ADAMTS16: variants seen among roughly 807,000 people sequenced by gnomAD.
The protein encoded by ADAMTS16 is A disintegrin and metalloproteinase with thrombospondin motifs 16.
Under a neutral mutation model 145.8 loss-of-function variants are expected in ADAMTS16, and 94 were observed. The observed-to-expected ratio is 0.64, with a 90% confidence interval of 0.55 to 0.77. The LOEUF (loss-of-function observed/expected upper bound fraction) is 0.77, where lower values mean the gene tolerates loss of function less well. ADAMTS16 is among the 30% of genes least tolerant of loss of function. The probability of loss-of-function intolerance (pLI) is 0.00; values close to 1 mark genes in which losing one functional copy is unlikely to be tolerated. For synonymous variants in ADAMTS16, 659 were observed against 604.3 expected (o/e 1.09, Z -1.33); for missense variants, 1,585 against 1,591.5 (o/e 1.00, Z 0.07).
At chr5:5,248,597 C>G (rs1737529128) in intron 17 of ADAMTS16, among the ~76,000 whole-genome samples, 1 of 152,172 alleles carries the variant, frequency 6.6e-6, no homozygotes, top group African/African-American at 2.4e-5. Context: ...GTAAGTACTG[C>G]TGAGAAGTTG....
chr5:5,290,108 T>C (rs935695661), intron 18 of ADAMTS16, among the ~76,000 whole-genome samples: 2 of 152,238 alleles, frequency 1.3e-5, no homozygotes, highest in African/African-American at 4.8e-5. Context: ...AGGAAACATA[T>C]TTCCTTTCTC....
intron 18 of ADAMTS16, among the ~76,000 whole-genome samples, chr5:5,271,753 G>T (rs913524220): frequency 9.2e-5 from 14 of 152,172 alleles, no homozygotes; most frequent in African/African-American, 3.1e-4. Context: ...GACTCTTCTA[G>T]GGATGCCAAG....
At chr5:5,249,793 G>C (rs572035683) in intron 17 of ADAMTS16, among the ~76,000 whole-genome samples, 22 of 152,316 alleles carry the variant, frequency 1.4e-4, no homozygotes, top group Non-Finnish European at 3.1e-4. Context: ...CCGAGTTCTT[G>C]TCCAGCGTCC....
rs185764162 is a variant in ADAMTS16, at chr5:5,181,921, T to G, written c.502-123T>G. On this transcript the variant is annotated intron_variant, in intron 3 of 22. Coordinates refer to ENST00000274181, the MANE Select transcript of ADAMTS16 (RefSeq NM_139056.4). Reference sequence around the variant, plus strand: ...GTTTTTGAACCTTTCCAATGTTCGCTCTCACTGGAGGGAACAGCATGCTTC... The same window carrying G: ...GTTTTTGAACCTTTCCAATGTTCGCGCTCACTGGAGGGAACAGCATGCTTC... 5 of 1,148,542 alleles carry G rather than the reference T, an allele frequency of 4.4e-6. No individual in the cohort carries two copies. In the African/African-American group the frequency reaches 7.7e-5, roughly 18 times the overall value. 71.1% of individuals were successfully genotyped at this position (1,148,542 alleles called of 1,614,324 possible).
At chr5:5,261,653 T>G (rs1048045168) in intron 17 of ADAMTS16, among the ~76,000 whole-genome samples, 1 of 152,090 alleles carries the variant, frequency 6.6e-6, no homozygotes, top group African/African-American at 2.4e-5. Flanking sequence ...GCCCAGCTAA[T>G]TTTTGTATTT....
At chr5:5,245,555 C>G (rs138266378) in intron 17 of ADAMTS16, among the ~76,000 whole-genome samples, 1 of 152,054 alleles carries the variant, frequency 6.6e-6, no homozygotes, top group South Asian at 2.1e-4. Flanking sequence ...GAATTTGAAA[C>G]GTTTAAATCA....
chr5:5,233,414 G>GT (rs1388997811), intron 12 of ADAMTS16, among the ~76,000 whole-genome samples: 1 of 152,200 alleles, frequency 6.6e-6, no homozygotes, highest in Non-Finnish European at 1.5e-5. Context: ...ACGGGTGTGT[G>GT]TTGTGCAGAT....
At chr5:5,213,361 T>C (rs1736328580) in intron 10 of ADAMTS16, among the ~76,000 whole-genome samples, 1 of 152,178 alleles carries the variant, frequency 6.6e-6, no homozygotes, top group Non-Finnish European at 1.5e-5. Flanking sequence ...CATGAATTCA[T>C]CCTCAGTTTT....
At chr5:5,252,805 C>CTATG (rs1737669117) in intron 17 of ADAMTS16, among the ~76,000 whole-genome samples, 2 of 152,152 alleles carry the variant, frequency 1.3e-5, no homozygotes, top group African/African-American at 4.8e-5. Flanking sequence ...CAGGAAAGGC[C>CTATG]ATGCCATATG....
chr5:5,183,446 G>A (rs72724114), intron 4 of ADAMTS16, among the ~76,000 whole-genome samples: 10,640 of 152,274 alleles, frequency 0.07, 409 homozygotes, highest in Admixed American at 0.079. Flanking sequence ...CAGGGCTCAC[G>A]GTGTGGTTGT....
At chr5:5,299,287 G>A (rs1434801407) in intron 18 of ADAMTS16, among the ~76,000 whole-genome samples, 3 of 152,200 alleles carry the variant, frequency 2.0e-5, no homozygotes, top group Non-Finnish European at 2.9e-5. Context: ...AGGGCTCAGG[G>A]AGACTTGCTG....
chr5:5,165,815 A>T (rs998053369), intron 3 of ADAMTS16, among the ~76,000 whole-genome samples: 1 of 152,168 alleles, frequency 6.6e-6, no homozygotes, highest in African/African-American at 2.4e-5. Flanking sequence ...GCAATGGCTT[A>T]TAGGTCCAGG....
chr5:5,159,506 C>T (rs1185462526), intron 3 of ADAMTS16, among the ~76,000 whole-genome samples: 1 of 152,160 alleles, frequency 6.6e-6, no homozygotes, highest in Non-Finnish European at 1.5e-5. Context: ...GTCCCCGCCG[C>T]CCCCACTCAT....
At position 5,319,034 on chromosome 5, in the gene ADAMTS16, A is replaced by G. The variant is rs371528226; in HGVS notation, c.3571A>G (p.Lys1191Glu). The G allele has an allele frequency of 8.1e-6, 13 of 1,612,240 alleles. No individual in the cohort carries two copies. The African/African-American group carries it at 1.6e-4, about 20-fold the overall frequency. ...CTGCTCATTTTCAGATGCCTTCTGC[A>G]AAGACTACTTCCACTGGTGCTACCT... ...PIAEKKDAFC[K>E]DYFHWCYLVP... Residue 1191 changes from lysine to glutamate, a missense_variant, in exon 23 of 23, where the codon AAA (lysine) becomes GAA (glutamate). Around this residue, in one of 3 missense-constraint regions of ADAMTS16, gnomAD observed 834 missense variants for 811.7 expected, o/e 1.03. Coordinates refer to ENST00000274181, the MANE Select transcript of ADAMTS16 (RefSeq NM_139056.4).
intron 10 of ADAMTS16, among the ~76,000 whole-genome samples, chr5:5,217,704 C>T (rs1447180617): frequency 1.3e-5 from 2 of 152,144 alleles, no homozygotes; most frequent in Non-Finnish European, 2.9e-5. Context: ...GTGAACATAA[C>T]TCTTAAATTA....
chr5:5,292,084 T>C (rs1429868390), intron 18 of ADAMTS16, among the ~76,000 whole-genome samples: 1 of 152,180 alleles, frequency 6.6e-6, no homozygotes, highest in Non-Finnish European at 1.5e-5. Context: ...GCTCTGGTCA[T>C]AGTCAAGCCA....
chr5:5,241,387 A>T (rs541966407), intron 16 of ADAMTS16, among the ~76,000 whole-genome samples: 5 of 152,306 alleles, frequency 3.3e-5, no homozygotes, highest in African/African-American at 1.2e-4. Context: ...TGACTCAGTG[A>T]TCTTCTTTAC....
At chr5:5,211,388 C>G (rs1014952599) in intron 10 of ADAMTS16, among the ~76,000 whole-genome samples, 3 of 152,108 alleles carry the variant, frequency 2.0e-5, no homozygotes, top group Admixed American at 1.3e-4. Flanking sequence ...ACTGTAAGAT[C>G]TATAATGATA....
intron 17 of ADAMTS16, among the ~76,000 whole-genome samples, chr5:5,258,516 G>T (rs538109950): frequency 1.3e-5 from 2 of 152,352 alleles, no homozygotes; most frequent in Admixed American, 6.5e-5. Flanking sequence ...CTTCCAGGGT[G>T]CCCTGATACC....
Sources: gnomAD v4.1 joint callset for allele counts (sites outside exome capture counted in the v4.1 genomes callset) on GRCh38, gnomAD v4.1.1 for gene constraint, gnomAD v4.1.1 regional missense constraint, MANE v1.5 for transcripts, NCBI Gene and HGNC (gene_info 2026-07-23, HGNC 2026-07-21) for gene names.